Variants in NCAPD3 observed in about 807,000 individuals in gnomAD.
NCAPD3 encodes condensin-2 complex subunit D3.
In NCAPD3, 105 loss-of-function variants were observed where a neutral mutation model predicts 182.9. That is an observed-to-expected ratio of 0.57 (90% CI 0.49 to 0.68). The LOEUF (loss-of-function observed/expected upper bound fraction) is 0.68. Ranked by LOEUF, NCAPD3 falls within the 30% of genes least tolerant of loss-of-function variation. The probability of loss-of-function intolerance (pLI) is 0.00; values close to 1 mark genes in which losing one functional copy is unlikely to be tolerated. For synonymous variants in NCAPD3, 815 were observed against 679.9 expected, an observed-to-expected ratio of 1.20 and a Z score of -3.09; for missense variants, 1,944 against 1,837.0, an observed-to-expected ratio of 1.06 and a Z score of -1.07.
At chr11:134,184,539 T>A in intron 19 of NCAPD3, 98 bp downstream of exon 19, 1 of 809,892 alleles carries the variant, frequency 1.2e-6, no homozygotes, top group Non-Finnish European at 1.9e-6. Context: ...TTACACGTCC[T>A]CTTATTTATA....
upstream of NCAPD3, chr11:134,225,450 C>G (rs1266838231): frequency 8.7e-7 from 1 of 1,144,180 alleles, no homozygotes; most frequent in African/African-American, 1.5e-5. Flanking sequence ...AGTCGCTTGT[C>G]AACTGCAGTC....
intron 27 of NCAPD3, among the ~76,000 whole-genome samples, chr11:134,167,669 T>C (rs1172946951): frequency 1.0e-5 from 1 of 98,018 alleles, no homozygotes; most frequent in Non-Finnish European, 2.0e-5. Flanking sequence ...CACACTCACT[T>C]GTGAGATGAG....
At chr11:134,163,507 G>C (rs1216546549) in intron 27 of NCAPD3, among the ~76,000 whole-genome samples, 1 of 150,692 alleles carries the variant, frequency 6.6e-6, no homozygotes, top group African/African-American at 2.5e-5. Context: ...AGACCATCCT[G>C]GCAAACACTG....
At chr11:134,174,067 T>A (rs1197577831) in intron 24 of NCAPD3, among the ~76,000 whole-genome samples, 1 of 151,912 alleles carries the variant, frequency 6.6e-6, no homozygotes, top group East Asian at 1.9e-4. Context: ...CCATAGTCTC[T>A]TCCTAAGATC....
Position 134,168,505 on chromosome 11 carries a change from A to G in NCAPD3, c.3337T>C (p.Phe1113Leu). 6.2e-7 allele frequency: 1 copy of G among 1,614,224 alleles called. No homozygotes were observed. Among genetic ancestry groups the G allele is most frequent in the Non-Finnish European group, 8.5e-7 (1 of 1,180,032 alleles). ...LLEHFTDEQR[F>L]NITSKICLSI... ...AGGCAGATTTTGGAAGTGATGTTGA[A>G]TCGCTGTTCATCTGTGAAGTGCTCT... The change falls in exon 26 of 35, where the codon TTC becomes CTC. Residue 1113 changes from phenylalanine to leucine, a missense_variant. By Grantham distance (22) the Phe-to-Leu change is conservative. Coordinates refer to ENST00000534548, the MANE Select transcript of NCAPD3 (RefSeq NM_015261.3).
rs1944808983 is a variant in NCAPD3 at position 134,204,327 on chromosome 11, T to C, written c.1090-156A>G. The stretch of plus-strand genomic sequence containing the variant: ...AATAAATTTTAGGTTTTAGAACACT[T>C]CAAAACTAATCTAAAGGAAATCTAT... On this transcript the variant is annotated intron_variant, in intron 9 of 34. Transcript: ENST00000534548. The surrounding 1 kb of genome is among the most constrained non-coding windows in gnomAD (Gnocchi z 4.3). 6.6e-6 allele frequency among the ~76,000 whole-genome samples: 1 copy of C among 152,176 alleles called. No homozygotes were observed. Among genetic ancestry groups the C allele is most frequent in the Non-Finnish European group, 1.5e-5 (1 of 68,036 alleles).
intron 16 of NCAPD3, among the ~76,000 whole-genome samples, chr11:134,188,920 A>T (rs1412693879): frequency 6.6e-6 from 1 of 152,192 alleles, no homozygotes; most frequent in East Asian, 1.9e-4. Context: ...CAAGGAGAGA[A>T]GCCTCAGGAG....
upstream of NCAPD3, chr11:134,223,999 T>C (rs1565564042): frequency 1.3e-6 from 2 of 1,550,080 alleles, no homozygotes; most frequent in Non-Finnish European, 1.8e-6. Flanking sequence ...GCCGAGTCGT[T>C]CCTGTGGACC....
At chr11:134,156,681 T>G (rs1285126007) in intron 32 of NCAPD3, among the ~76,000 whole-genome samples, 1 of 152,018 alleles carries the variant, frequency 6.6e-6, no homozygotes. Context: ...CAGCGCCCAG[T>G]GCACCCGGAC....
Position 134,192,681 on chromosome 11 carries a change from T to C in NCAPD3, c.2045+8A>G. On this transcript the variant is annotated splice_region_variant and intron_variant, in intron 16 of 34. Coordinates refer to ENST00000534548, the MANE Select transcript of NCAPD3 (RefSeq NM_015261.3). Reference sequence around the variant, plus strand: ...CTATAGGGAACACAGGTCATACAGTTAACCTACCTCAGTTCCTGGCTTTCG... The same window carrying C: ...CTATAGGGAACACAGGTCATACAGTCAACCTACCTCAGTTCCTGGCTTTCG... 6.2e-7 allele frequency: 1 copy of C among 1,610,432 alleles called. No homozygotes were observed. The highest frequency in any genetic ancestry group is 8.5e-7 in the Non-Finnish European group (1 of 1,176,696).
rs1215728720 is a variant in NCAPD3, at chr11:134,216,920, T to C, written c.382+16A>G. The C allele has an allele frequency of 1.9e-6, 3 of 1,589,388 alleles. No homozygotes were observed. The highest frequency in any genetic ancestry group is 1.7e-6 in the Non-Finnish European group (2 of 1,172,118). On this transcript the variant is annotated intron_variant, in intron 3 of 34. Coordinates refer to ENST00000534548, the MANE Select transcript of NCAPD3 (RefSeq NM_015261.3). The stretch of plus-strand genomic sequence containing the variant: ...AAATGACAGAAGATTTATCCTATCA[T>C]ATCAGGTCTACATACCTGGTACTTC...
intron 19 of NCAPD3, among the ~76,000 whole-genome samples, chr11:134,182,723 C>G (rs1944323903): frequency 6.6e-6 from 1 of 152,174 alleles, no homozygotes; most frequent in Admixed American, 6.5e-5. Flanking sequence ...AACAAAAATG[C>G]CCAAAGACCA....
At chr11:134,156,539 G>GA (rs1943423525) in intron 32 of NCAPD3, among the ~76,000 whole-genome samples, 1 of 152,176 alleles carries the variant, frequency 6.6e-6, no homozygotes, top group Admixed American at 6.5e-5. Context: ...CAAACAGTAG[G>GA]AAAAAACATG....
chr11:134,190,158 T>G (rs1944493576), intron 16 of NCAPD3, among the ~76,000 whole-genome samples: 1 of 152,248 alleles, frequency 6.6e-6, no homozygotes, highest in Non-Finnish European at 1.5e-5. Context: ...TCAGTGTTAC[T>G]TCTGTTCTAC....
In NCAPD3 at chr11:134,209,139, G is replaced by A; in HGVS notation, c.794+6C>T. The A allele has an allele frequency of 6.2e-7, 1 of 1,610,760 alleles. No homozygotes were observed. Among genetic ancestry groups the A allele is most frequent in the Non-Finnish European group, 8.5e-7 (1 of 1,178,270 alleles). On this transcript the variant is annotated splice_donor_region_variant and intron_variant, in intron 6 of 34. Coordinates refer to ENST00000534548, the MANE Select transcript of NCAPD3 (RefSeq NM_015261.3). ...AATTGTAGCACTGGAAGATTTAATG[G>A]CTCACCTGGCTTGTGTAACATGACA...
Position 134,184,981 on chromosome 11 carries a change from T to C in NCAPD3, c.2257A>G (p.Asn753Asp), listed in dbSNP as rs138551616. 285 of 1,613,528 alleles carry C rather than the reference T, an allele frequency of 1.8e-4. 1 individual carries two copies. The African/African-American group carries it at 3.2e-3, about 18-fold the overall frequency. Residue 753 changes from asparagine (N) to aspartate (D), a missense_variant, in exon 18 of 35, where the codon AAC becomes GAC. Asn to Asp is a conservative substitution (Grantham distance 23). Around this residue, in one of 3 missense-constraint regions of NCAPD3, gnomAD observed 1,803 missense variants for 1,674.6 expected, o/e 1.08. Coordinates refer to ENST00000534548, the MANE Select transcript of NCAPD3 (RefSeq NM_015261.3). Reference protein sequence around the residue: ...KISSQQNPNSNTLGHILCVIG... With the variant: ...KISSQQNPNSDTLGHILCVIG... ...ACACAGAGAATATGTCCTAAGGTGT[T>C]TGAATTGGGATTCTGCTGACTAGAG...
chr11:134,205,382 C>CTT (rs571658772), intron 8 of NCAPD3, among the ~76,000 whole-genome samples: 2 of 143,322 alleles, frequency 1.4e-5, no homozygotes, highest in African/African-American at 2.5e-5. Flanking sequence ...TAAGAAATTT[C>CTT]TTTTTTTTTT....
At chr11:134,179,760 T>A (rs1944254307) in intron 20 of NCAPD3, among the ~76,000 whole-genome samples, 1 of 152,022 alleles carries the variant, frequency 6.6e-6, no homozygotes, top group East Asian at 1.9e-4. Flanking sequence ...AACAACTAAG[T>A]AATATTGTTC....
At chr11:134,159,123 G>T (rs1183994212) in intron 29 of NCAPD3, among the ~76,000 whole-genome samples, 2 of 152,216 alleles carry the variant, frequency 1.3e-5, no homozygotes, top group African/African-American at 4.8e-5. Flanking sequence ...CAATAAACAT[G>T]GGAGTGCAGG....
Sources: allele counts gnomAD v4.1 joint callset (sites outside exome capture counted in the v4.1 genomes callset), GRCh38; gene constraint gnomAD v4.1.1; regional missense constraint gnomAD v4.1.1; non-coding constraint Gnocchi (gnomAD v3.1); transcripts MANE v1.5; gene names NCBI Gene and HGNC (gene_info 2026-07-23, HGNC 2026-07-21).